APOBEC3F: variants seen among roughly 807,000 people sequenced by gnomAD.
The protein encoded by APOBEC3F is apolipoprotein B mRNA editing enzyme catalytic subunit 3F.
APOBEC3F carries 34 observed loss-of-function variants against 45.8 expected under a neutral mutation model. The observed-to-expected ratio is 0.74, with a 90% confidence interval of 0.57 to 0.99. The LOEUF (loss-of-function observed/expected upper bound fraction) is 0.99. Ranked by LOEUF, APOBEC3F falls within the 50% of genes least tolerant of loss-of-function variation. APOBEC3F has a pLI of 0.00. For synonymous variants in APOBEC3F, 192 were observed against 174.4 expected (o/e 1.10, Z -0.80); for missense variants, 459 against 474.1 (o/e 0.97, Z 0.30).
In APOBEC3F at chr22:39,055,299, T is replaced by A. The variant is rs1927654883; in HGVS notation, c.*2604T>A. Among the ~76,000 whole-genome samples the A allele has an allele frequency of 6.6e-6, 1 of 151,962 alleles. No homozygotes were observed. The highest frequency in any genetic ancestry group is 6.6e-5 in the Admixed American group (1 of 15,244). On this transcript the variant is annotated 3_prime_UTR_variant, in exon 7 of 7. Transcript: ENST00000308521. The stretch of plus-strand genomic sequence containing the variant: ...GTTGCTCAGGCTGGTCTTGAACTCA[T>A]GAGCTCAGGCGATCCACTCTCCTCA...
intron 1 of APOBEC3F, among the ~76,000 whole-genome samples, chr22:39,041,527 C>G (rs1926892267): frequency 6.6e-6 from 1 of 152,120 alleles, no homozygotes; most frequent in South Asian, 2.1e-4. Context: ...ACACGCTCCT[C>G]CTCCACTATC....
At chr22:39,046,604 T>C (rs554313531) in intron 4 of APOBEC3F, among the ~76,000 whole-genome samples, 1 of 149,852 alleles carries the variant, frequency 6.7e-6, no homozygotes, top group South Asian at 2.1e-4. Flanking sequence ...GTGATCAAGG[T>C]CCCAATTGAA....
chr22:39,044,329 A>C lies in APOBEC3F; in HGVS notation c.172-612A>C, dbSNP rs74772017. The C allele has an allele frequency of 2.5e-3, 3,593 of 1,414,918 alleles. 83 individuals carry two copies. In the African/African-American group the frequency reaches 0.047, roughly 19 times the overall value. 87.6% of individuals were successfully genotyped at this position (1,414,918 alleles called of 1,614,324 possible). The stretch of plus-strand genomic sequence containing the variant: ...ACAGGGCTGGGAAAACTTCCAAACG[A>C]AGGGAAGCTCATGTCTTGGTGCACT... On this transcript the variant is annotated intron_variant, in intron 2 of 6. Coordinates refer to ENST00000308521, the MANE Select transcript of APOBEC3F (RefSeq NM_145298.6).
Position 39,054,428 on chromosome 22 carries a change from C to T in APOBEC3F, c.*1733C>T, listed in dbSNP as rs143412848. Among the ~76,000 whole-genome samples, 1,518 of 152,142 alleles carry T rather than the reference C, an allele frequency of 1.0e-2. 17 individuals carry two copies. Among genetic ancestry groups the T allele is most frequent in the Non-Finnish European group, 0.017 (1,135 of 67,990 alleles). On this transcript the variant is annotated 3_prime_UTR_variant, in exon 7 of 7. Transcript: ENST00000308521. ...TGTGTTTTTAGTAGAGACGGGGTTT[C>T]AACATCTTGACCAGGCTGGTCTTGA...
chr22:39,050,142 T>C (rs1477017345), intron 5 of APOBEC3F, among the ~76,000 whole-genome samples: 1 of 151,882 alleles, frequency 6.6e-6, no homozygotes, highest in Non-Finnish European at 1.5e-5. Flanking sequence ...TTTCCCAAAA[T>C]CTTGTCATGG....
At chr22:39,048,939 C>T (rs1219663718) in intron 4 of APOBEC3F, among the ~76,000 whole-genome samples, 2 of 151,044 alleles carry the variant, frequency 1.3e-5, no homozygotes, top group African/African-American at 4.9e-5. Flanking sequence ...AAGCTGAGAT[C>T]GCGCCACTGC....
At chr22:39,052,480 C>T (rs1927543500) in intron 6 of APOBEC3F, 97 bp from the exon 7 acceptor site, 2 of 1,567,974 alleles carry the variant, frequency 1.3e-6, no homozygotes, top group East Asian at 4.5e-5. Context: ...GTGTCCACTG[C>T]AACTGGCAGT....
At position 39,053,466 on chromosome 22, in the gene APOBEC3F, A is replaced by C. The variant is rs1434713288; in HGVS notation, c.*771A>C. On this transcript the variant is annotated 3_prime_UTR_variant, in exon 7 of 7. Transcript: ENST00000308521. Reference sequence around the variant, plus strand: ...TCTACAAAAAAATTACAAAAAAAAAAAAAACAGGTGTGGTGGCATGCACCT... The same window carrying C: ...TCTACAAAAAAATTACAAAAAAAAACAAAACAGGTGTGGTGGCATGCACCT... The C allele has an allele frequency of 6.6e-6, 1 of 151,966 alleles. No homozygotes were observed. The highest frequency in any genetic ancestry group is 6.6e-5 in the Admixed American group (1 of 15,244). The allele number at this position is 151,966 out of a possible 1,614,324, so 9.4% of individuals were successfully genotyped here.
intron 4 of APOBEC3F, among the ~76,000 whole-genome samples, chr22:39,047,790 G>A (rs1415481728): frequency 6.6e-6 from 1 of 152,120 alleles, no homozygotes; most frequent in East Asian, 1.9e-4. Flanking sequence ...CCCGCCCTGG[G>A]ATGGTGCTCC....
chr22:39,051,236 C>T (rs1048121531), intron 5 of APOBEC3F, among the ~76,000 whole-genome samples: 5 of 151,392 alleles, frequency 3.3e-5, no homozygotes, highest in African/African-American at 1.2e-4. Flanking sequence ...GACTCTGTCA[C>T]TCAAAAAGAT....
rs1926921977 is a variant in APOBEC3F, at chr22:39,041,918, G to T, written c.17+941G>T. On this transcript the variant is annotated intron_variant, in intron 1 of 6. Transcript: ENST00000308521. ...GGAATATATGGGAAAAAAACTCAAT[G>T]ATCAGGAGAAATGCTATTATTTTAA... 2.0e-5 allele frequency among the ~76,000 whole-genome samples: 3 copies of T among 152,132 alleles called. No homozygotes were observed. In the South Asian group the frequency reaches 6.2e-4, roughly 31 times the overall value.
intron 2 of APOBEC3F, chr22:39,044,166 G>A (rs1410297609): frequency 1.9e-6 from 3 of 1,601,164 alleles, no homozygotes; most frequent in African/African-American, 2.7e-5. Context: ...GGACAGCGCA[G>A]GTCCAGTGGC....
At position 39,053,649 on chromosome 22, in the gene APOBEC3F, G is replaced by T. The variant is rs1464666270; in HGVS notation, c.*954G>T. 6.6e-6 allele frequency: 1 copy of T among 152,070 alleles called. No individual in the cohort carries two copies. The highest frequency in any genetic ancestry group is 1.5e-5 in the Non-Finnish European group (1 of 68,000). The allele number at this position is 152,070 out of a possible 1,614,324, so 9.4% of individuals were successfully genotyped here. On this transcript the variant is annotated 3_prime_UTR_variant, in exon 7 of 7. Transcript: ENST00000308521. ...CAATAAATAAACTCAACCGAAATGG[G>T]TATGAAAGTTGAAATGGGTATGTAA...
chr22:39,049,009 CAAAA>C (rs1927353178), intron 4 of APOBEC3F, among the ~76,000 whole-genome samples: 1 of 34,272 alleles, frequency 2.9e-5, no homozygotes, highest in Non-Finnish European at 6.1e-5. Flanking sequence ...ACAAAAAAAA[CAAAA>C]AGAGTAGCCT....
rs1927166869 is a variant in APOBEC3F, at chr22:39,045,451, T to A, written c.475T>A (p.Phe159Ile). The change falls in exon 4 of 7, where the codon TTT becomes ATT. Residue 159 changes from phenylalanine (F) to isoleucine (I), a missense_variant. Physicochemically the swap from Phe to Ile is conservative, Grantham distance 21 (BLOSUM62 0). Transcript: ENST00000308521. ...AGAATTTGCATACTGCTGGGAAAAC[T>A]TTGTGTACAGTGAAGGTCAGCCATT... Reference protein sequence around the residue: ...DEEFAYCWENFVYSEGQPFMP... With the variant: ...DEEFAYCWENIVYSEGQPFMP... 6.2e-7 allele frequency: 1 copy of A among 1,614,096 alleles called. No individual in the cohort carries two copies. The highest frequency in any genetic ancestry group is 8.5e-7 in the Non-Finnish European group (1 of 1,179,994).
rs113442756 is a variant in APOBEC3F, at chr22:39,051,314, G to C, written c.724-760G>C. ...AGCACTTTGGGAGGCCAAGGCGGGG[G>C]ATCACGAGGTCAGGAGCTTGAAACC... On this transcript the variant is annotated intron_variant, in intron 5 of 6. Coordinates refer to ENST00000308521, the MANE Select transcript of APOBEC3F (RefSeq NM_145298.6). 2.3e-3 allele frequency among the ~76,000 whole-genome samples: 350 copies of C among 152,032 alleles called. 1 individual carries two copies. Among genetic ancestry groups the C allele is most frequent in the African/African-American group, 7.1e-3 (296 of 41,480 alleles).
Position 39,052,564 on chromosome 22 carries a change from T to C in APOBEC3F, c.1004-13T>C, listed in dbSNP as rs1190533064. 1 of 1,610,124 alleles carries C rather than the reference T, an allele frequency of 6.2e-7. No individual in the cohort carries two copies. Among genetic ancestry groups the C allele is most frequent in the Non-Finnish European group, 8.5e-7 (1 of 1,177,548 alleles). On this transcript the variant is annotated splice_polypyrimidine_tract_variant and intron_variant, in intron 6 of 6. Transcript: ENST00000308521. The stretch of plus-strand genomic sequence containing the variant: ...TGCTGGGCCCTCACTGCTTTCTCCT[T>C]GTTTTTTCTCAGATTTTAAATATTG...
Position 39,052,566 on chromosome 22 carries a change from T to A in APOBEC3F, c.1004-11T>A, listed in dbSNP as rs772576290. On this transcript the variant is annotated splice_polypyrimidine_tract_variant and intron_variant, in intron 6 of 6. Coordinates refer to ENST00000308521, the MANE Select transcript of APOBEC3F (RefSeq NM_145298.6). ...CTGGGCCCTCACTGCTTTCTCCTTGTTTTTTCTCAGATTTTAAATATTGTT... is the reference window on the plus strand; with the variant it reads ...CTGGGCCCTCACTGCTTTCTCCTTGATTTTTCTCAGATTTTAAATATTGTT... The A allele has an allele frequency of 6.8e-6, 11 of 1,610,778 alleles. No homozygotes were observed. The South Asian group carries it at 1.2e-4, about 18-fold the overall frequency.
At position 39,055,084 on chromosome 22, in the gene APOBEC3F, T is replaced by TC. The variant is rs1927648519; in HGVS notation, c.*2389_*2390insC. Among the ~76,000 whole-genome samples, 3 of 151,332 alleles carry TC rather than the reference T, an allele frequency of 2.0e-5. No individual in the cohort carries two copies. Among genetic ancestry groups the TC allele is most frequent in the Admixed American group, 6.6e-5 (1 of 15,206 alleles). On this transcript the variant is annotated 3_prime_UTR_variant, in exon 7 of 7. Coordinates refer to ENST00000308521, the MANE Select transcript of APOBEC3F (RefSeq NM_145298.6). Reference sequence around the variant, plus strand: ...CTCTCTGCTTCCAAATATCTTTTTTTTTTTTTTCAGACAGTTTTGCTCTTG... The same window carrying TC: ...CTCTCTGCTTCCAAATATCTTTTTTTCTTTTTTTCAGACAGTTTTGCTCTTG...
Sources: gnomAD v4.1 joint callset for allele counts (sites outside exome capture counted in the v4.1 genomes callset) on GRCh38, gnomAD v4.1.1 for gene constraint, MANE v1.5 for transcripts, NCBI Gene and HGNC (gene_info 2026-07-23, HGNC 2026-07-21) for gene names.